IL1RAPL1: variants seen among roughly 807,000 people sequenced by gnomAD.
The protein encoded by IL1RAPL1 is interleukin-1 receptor accessory protein-like 1.
A neutral mutation model predicts 48.4 loss-of-function variants in IL1RAPL1; 3 were observed. The observed-to-expected ratio is 0.06, with a 90% confidence interval of 0.03 to 0.16. The LOEUF is 0.16. IL1RAPL1 is among the 10% of genes least tolerant of loss of function. The probability of loss-of-function intolerance (pLI) is 1.00; values close to 1 mark genes in which losing one functional copy is unlikely to be tolerated. For missense variants in IL1RAPL1, 349 were observed against 530.6 expected, an observed-to-expected ratio of 0.66 and a Z score of 3.36; for synonymous variants, 185 against 187.7, an observed-to-expected ratio of 0.99 and a Z score of 0.12.
chrX:29,228,945 G>T (rs960115622), intron 2 of IL1RAPL1, among the ~76,000 whole-genome samples: 2 of 111,247 alleles, frequency 1.8e-5, no homozygotes, highest in African/African-American at 6.6e-5. Context: ...ATGTGCGTGG[G>T]TGGTGGCCAG....
chrX:29,102,989 G>A (rs761560624), intron 2 of IL1RAPL1, among the ~76,000 whole-genome samples: 28 of 111,821 alleles, frequency 2.5e-4, no homozygotes, highest in African/African-American at 8.1e-4. Context: ...ACAAAAAATG[G>A]AAAGATATTC....
intron 6 of IL1RAPL1, among the ~76,000 whole-genome samples, chrX:29,690,809 C>G (rs2147110769): frequency 8.9e-6 from 1 of 111,754 alleles, no homozygotes; most frequent in Admixed American, 9.5e-5. Context: ...AAAAGTCACT[C>G]ATTCATAAGT....
intron 5 of IL1RAPL1, among the ~76,000 whole-genome samples, chrX:29,409,211 G>A (rs1934110992): frequency 8.9e-6 from 1 of 112,022 alleles, no homozygotes; most frequent in Admixed American, 9.5e-5. Context: ...TACTTTGTAT[G>A]TTTGCTAACA....
intron 6 of IL1RAPL1, among the ~76,000 whole-genome samples, chrX:29,781,625 G>A (rs768455474): frequency 2.7e-5 from 3 of 111,893 alleles, no homozygotes; most frequent in Non-Finnish European, 3.8e-5. Context: ...CTTGCAGAGT[G>A]ACTCAGAACT....
At chrX:29,806,227 GCA>G (rs773510388) in intron 6 of IL1RAPL1, among the ~76,000 whole-genome samples, 8 of 111,081 alleles carry the variant, frequency 7.2e-5, no homozygotes, top group African/African-American at 9.8e-5. Flanking sequence ...GTGCACGCGT[GCA>G]CACACACACA....
chrX:29,116,458 G>A (rs1391791840), intron 2 of IL1RAPL1, among the ~76,000 whole-genome samples: 1 of 111,778 alleles, frequency 8.9e-6, no homozygotes, highest in Non-Finnish European at 1.9e-5. Context: ...GGAATACACA[G>A]AAATTAACAA....
chrX:29,610,331 G>C (rs1924047984), intron 5 of IL1RAPL1, among the ~76,000 whole-genome samples: 1 of 111,651 alleles, frequency 9.0e-6, no homozygotes, highest in Non-Finnish European at 1.9e-5. Context: ...TTCAAAAGCT[G>C]TTCTTGACTC....
chrX:29,625,965 C>A (rs1924604486), intron 5 of IL1RAPL1, among the ~76,000 whole-genome samples: 1 of 111,627 alleles, frequency 9.0e-6, no homozygotes, highest in South Asian at 3.7e-4. Flanking sequence ...CCCAAGTGCT[C>A]AGTATTTCAC....
At chrX:29,599,709 CT>C (rs746206264) in intron 5 of IL1RAPL1, among the ~76,000 whole-genome samples, 206 of 112,030 alleles carry the variant, frequency 1.8e-3, no homozygotes, top group African/African-American at 6.4e-3. Flanking sequence ...GCTTTGTTCT[CT>C]TTTTTGAAAT....
rs140926631 is a variant in IL1RAPL1 at position 28,984,582 on chromosome X, T to A, written c.82+195157T>A. On this transcript the variant is annotated intron_variant, in intron 2 of 10. Transcript: ENST00000378993. ...GCTTCTTCAGTGCTTTCTTCTTGTTTCTCCTCCAAATATTTTCCCCAAACT... is the reference window on the plus strand; with the variant it reads ...GCTTCTTCAGTGCTTTCTTCTTGTTACTCCTCCAAATATTTTCCCCAAACT... 5.4e-3 allele frequency among the ~76,000 whole-genome samples: 601 copies of A among 111,922 alleles called. 6 individuals are homozygous for A. The highest frequency in any genetic ancestry group is 0.019 in the African/African-American group (589 of 30,848).
intron 2 of IL1RAPL1, among the ~76,000 whole-genome samples, chrX:29,198,436 C>T (rs1361561293): frequency 1.8e-5 from 2 of 110,141 alleles, no homozygotes; most frequent in African/African-American, 6.6e-5. Flanking sequence ...GCTGGGATTA[C>T]AGGTGTCCGC....
At chrX:29,338,398 T>C (rs912890384) in intron 3 of IL1RAPL1, among the ~76,000 whole-genome samples, 1 of 112,384 alleles carries the variant, frequency 8.9e-6, no homozygotes, top group African/African-American at 3.2e-5. Flanking sequence ...TTGTAGATAT[T>C]ATTAAATCTT....
intron 6 of IL1RAPL1, among the ~76,000 whole-genome samples, chrX:29,737,877 C>A (rs1928090321): frequency 8.9e-6 from 1 of 111,975 alleles, no homozygotes; most frequent in South Asian, 3.7e-4. Flanking sequence ...CATTTTATAG[C>A]AAATGGCTAG....
intron 6 of IL1RAPL1, among the ~76,000 whole-genome samples, chrX:29,785,412 G>T (rs1005771783): frequency 3.6e-5 from 4 of 112,263 alleles, no homozygotes; most frequent in African/African-American, 1.3e-4. Flanking sequence ...ATGAAAAATA[G>T]CATAATCACA....
At chrX:29,922,163 G>A (rs893228996) in intron 8 of IL1RAPL1, among the ~76,000 whole-genome samples, 1 of 111,150 alleles carries the variant, frequency 9.0e-6, no homozygotes, top group East Asian at 2.8e-4. Context: ...TGTTTTTACA[G>A]AGAGGCACAC....
intron 5 of IL1RAPL1, among the ~76,000 whole-genome samples, chrX:29,447,605 A>G (rs6628428): frequency 0.44 from 48,953 of 110,998 alleles, 8,159 homozygotes; most frequent in East Asian, 0.78. Flanking sequence ...GCAGGATTCA[A>G]CATAAGGCAG....
At chrX:28,925,234 AAAGAT>A (rs1310268486) in intron 2 of IL1RAPL1, among the ~76,000 whole-genome samples, 1 of 112,203 alleles carries the variant, frequency 8.9e-6, no homozygotes, top group African/African-American at 3.2e-5. Context: ...TAATTTCAAT[AAAGAT>A]AAAACAAATT....
At position 29,857,764 on chromosome X, in the gene IL1RAPL1, G is replaced by C. The variant is rs1383434933; in HGVS notation, c.779-59700G>C. On this transcript the variant is annotated intron_variant, in intron 6 of 10. Coordinates refer to ENST00000378993, the MANE Select transcript of IL1RAPL1 (RefSeq NM_014271.4). ...TAAGAAAATGAAGAACCAAACAAGTGGTAAAACCTAAATGGTTTTACACTA... is the reference window on the plus strand; with the variant it reads ...TAAGAAAATGAAGAACCAAACAAGTCGTAAAACCTAAATGGTTTTACACTA... Among the ~76,000 whole-genome samples the C allele has an allele frequency of 4.5e-5, 5 of 111,129 alleles. No homozygotes were observed. In the South Asian group the frequency reaches 1.1e-3, roughly 25 times the overall value.
chrX:29,136,637 C>T (rs1929134553), intron 2 of IL1RAPL1, among the ~76,000 whole-genome samples: 1 of 111,395 alleles, frequency 9.0e-6, no homozygotes, highest in Non-Finnish European at 1.9e-5. Flanking sequence ...GTTGAGATAA[C>T]AGGTGTGACG....
Sources: gnomAD v4.1 joint callset for allele counts (sites outside exome capture counted in the v4.1 genomes callset) on GRCh38, gnomAD v4.1.1 for gene constraint, MANE v1.5 for transcripts, NCBI Gene and HGNC (gene_info 2026-07-23, HGNC 2026-07-21) for gene names.